TPO: variants seen among roughly 807,000 people sequenced by gnomAD.
TPO encodes thyroid peroxidase, also known as thyroid microsomal antigen.
A neutral mutation model predicts 96.9 loss-of-function variants in TPO; 78 were observed. That is an observed-to-expected ratio of 0.81 (90% CI 0.67 to 0.97). TPO has a LOEUF of 0.97. TPO is among the 50% of genes least tolerant of loss of function. TPO has a pLI of 0.00. For synonymous variants in TPO, 547 were observed against 538.0 expected (o/e 1.02, Z -0.23); for missense variants, 1,252 against 1,274.8 (o/e 0.98, Z 0.27).
intron 15 of TPO, among the ~76,000 whole-genome samples, chr2:1,528,314 A>G (rs549646006): frequency 7.9e-6 from 1 of 125,804 alleles, no homozygotes; most frequent in Non-Finnish European, 1.6e-5. Flanking sequence ...CACTGTGTGC[A>G]ACCTCCACAA....
chr2:1,502,890 G>T (rs1163202035), intron 13 of TPO, among the ~76,000 whole-genome samples: 1 of 152,220 alleles, frequency 6.6e-6, no homozygotes, highest in Non-Finnish European at 1.5e-5. Flanking sequence ...CTCCCCCGGG[G>T]TTAGGAGTGG....
At chr2:1,541,012 G>A in intron 16 of TPO, 2 of 1,378,090 alleles carry the variant, frequency 1.5e-6, no homozygotes, top group Non-Finnish European at 1.9e-6. Flanking sequence ...AGGATCGGCT[G>A]GAAGCACAGG....
At chr2:1,484,898 CTT>C in intron 9 of TPO, 44 bp downstream of exon 9, 1 of 1,609,260 alleles carries the variant, frequency 6.2e-7, no homozygotes, top group East Asian at 2.2e-5. Flanking sequence ...TGAACTCTTC[CTT>C]CTTTTTTTAA....
rs569047782 is a variant in TPO, at chr2:1,393,765, A to G, written n.180+19363A>G. ...AAAAATGCTCATGCGTGATTATTGG[A>G]GTACAAATAATGTTTTTATGTTTCC... is the stretch of plus-strand genomic sequence containing the variant. On this transcript the variant is annotated intron_variant and non_coding_transcript_variant, in intron 1 of 5. Transcript: ENST00000497517. 3.3e-5 allele frequency among the ~76,000 whole-genome samples: 5 copies of G among 152,366 alleles called. No individual in the cohort carries two copies. The South Asian group carries it at 1.0e-3, about 32-fold the overall frequency.
intron 7 of TPO, among the ~76,000 whole-genome samples, chr2:1,472,867 T>C (rs561793002): frequency 6.9e-6 from 1 of 144,818 alleles, no homozygotes; most frequent in Non-Finnish European, 1.5e-5. Flanking sequence ...GAGAGAGATA[T>C]TTCGTTGTTA....
intron 5 of TPO, among the ~76,000 whole-genome samples, chr2:1,448,737 A>G (rs929756778): frequency 2.6e-5 from 4 of 152,352 alleles, no homozygotes; most frequent in South Asian, 2.1e-4. Flanking sequence ...ATATCACGGC[A>G]TCACAGAATC....
At chr2:1,394,332 C>A (rs949277073) in intron 1 of TPO, among the ~76,000 whole-genome samples, 3 of 152,222 alleles carry the variant, frequency 2.0e-5, no homozygotes, top group Admixed American at 6.5e-5. Context: ...CAGACAGTTT[C>A]ATTTTGACGA....
intron 1 of TPO, among the ~76,000 whole-genome samples, chr2:1,393,787 T>C (rs1411711528): frequency 6.6e-6 from 1 of 152,260 alleles, no homozygotes; most frequent in Non-Finnish European, 1.5e-5. Context: ...GTTTTTATGT[T>C]TCCAATTATA....
chr2:1,390,378 T>C (rs1661982007), intron 1 of TPO, among the ~76,000 whole-genome samples: 1 of 152,206 alleles, frequency 6.6e-6, no homozygotes, highest in South Asian at 2.1e-4. Context: ...TAGTATTCCA[T>C]GGTGTATATG....
At chr2:1,529,275 T>TCCC (rs1185106203) in intron 15 of TPO, among the ~76,000 whole-genome samples, 1 of 41,816 alleles carries the variant, frequency 2.4e-5, no homozygotes, top group Admixed American at 3.3e-4. Flanking sequence ...CCTCCTCAAA[T>TCCC]CCCCCCACTG....
In TPO at chr2:1,511,277, G is replaced by A. The variant is rs1362416171; in HGVS notation, c.2519-5606G>A. On this transcript the variant is annotated intron_variant, in intron 14 of 16. Coordinates refer to ENST00000329066, the MANE Select transcript of TPO (RefSeq NM_001206744.2). ...CAGCGCAGCCCTGCAGACTGGGGGT[G>A]CCACAGCGCAGCCCTGCAGACTGGG... Among the ~76,000 whole-genome samples, 4 of 129,062 alleles carry A rather than the reference G, an allele frequency of 3.1e-5. No homozygotes were observed. The East Asian group carries it at 7.2e-4, about 23-fold the overall frequency. The allele number at this position is 129,062 out of a possible 152,430, so 84.7% of individuals were successfully genotyped here. A position where few individuals can be genotyped will look rare whatever the true frequency, so the allele number is the denominator to read the frequency against.
rs1410520809 is a variant in TPO, at chr2:1,487,876, G to A, written c.1653G>A (p.Val551=). 1 of 1,614,244 alleles carries A rather than the reference G, an allele frequency of 6.2e-7. No homozygotes were observed. The highest frequency in any genetic ancestry group is 2.2e-5 in the East Asian group (1 of 44,884). The part of the protein sequence containing the change: ...GLLARPAKLQ[V]QDQLMNEELT... ...TTGCAAGACCAGCCAAACTGCAGGT[G>A]CAGGATCAGCTGATGAACGAGGAGC... The change falls in exon 10 of 17, where the codon GTG becomes GTA. Residue 551 remains valine, a synonymous_variant. Transcript: ENST00000329066.
intron 14 of TPO, among the ~76,000 whole-genome samples, chr2:1,506,866 T>G (rs1034998255): frequency 6.6e-6 from 1 of 152,236 alleles, no homozygotes; most frequent in African/African-American, 2.4e-5. Flanking sequence ...TTTCTTTTGC[T>G]GTGCAGAAGC....
At chr2:1,453,911 C>T (rs1045551995) in intron 6 of TPO, 88 bp downstream of exon 6, 16 of 1,582,432 alleles carry the variant, frequency 1.0e-5, no homozygotes, top group African/African-American at 5.4e-5. Context: ...GGTTCTTGCT[C>T]GTGCTGGGTG....
chr2:1,534,238 C>A (rs935921551), intron 15 of TPO, among the ~76,000 whole-genome samples: 3 of 106,228 alleles, frequency 2.8e-5, no homozygotes, highest in South Asian at 4.2e-4. Context: ...CTCCTCAAAT[C>A]CCCCATCACT....
chr2:1,388,285 TTGTC>T lies in TPO; in HGVS notation n.180+13887_180+13890del, dbSNP rs531994884. 3.9e-3 allele frequency among the ~76,000 whole-genome samples: 598 copies of T among 152,322 alleles called. 7 individuals carry two copies. Among genetic ancestry groups the T allele is most frequent in the African/African-American group, 0.014 (573 of 41,572 alleles). On this transcript the variant is annotated intron_variant and non_coding_transcript_variant, in intron 1 of 5. Transcript: ENST00000497517. ...TGCAGAGGTTTCTGCTGCCTTTTGT[TTGTC>T]TGTGCCCTGCCCCCAGAGGTGGAGT...
At chr2:1,412,053 C>T (rs1177584021), upstream of TPO, among the ~76,000 whole-genome samples, 2 of 152,182 alleles carry the variant, frequency 1.3e-5, no homozygotes, top group African/African-American at 4.8e-5. Flanking sequence ...CTCAGGACTC[C>T]CAAATGTGTC....
At position 1,477,214 on chromosome 2, in the gene TPO, G is replaced by T; in HGVS notation, c.948G>T (p.Gln316His). ...TGTCCACGGCCAACCCGCGGCAGCA[G>T]ATGAACGGGTTGACCTCGTTCCTGG... ...GNLSTANPRQ[Q>H]MNGLTSFLDA... is the part of the protein sequence containing the mutation. Residue 316 changes from glutamine (Q) to histidine (H), a missense_variant, in exon 8 of 17, where the codon CAG becomes CAT. Transcript: ENST00000329066. The T allele has an allele frequency of 6.2e-7, 1 of 1,610,106 alleles. No individual in the cohort carries two copies. Among genetic ancestry groups the T allele is most frequent in the Non-Finnish European group, 8.5e-7 (1 of 1,179,034 alleles).
chr2:1,451,636 G>T (rs1667308587), intron 5 of TPO, among the ~76,000 whole-genome samples: 1 of 152,156 alleles, frequency 6.6e-6, no homozygotes, highest in African/African-American at 2.4e-5. Context: ...TGGTTGTGTT[G>T]CATGACTCTG....
Sources: gnomAD v4.1 joint callset for allele counts (sites outside exome capture counted in the v4.1 genomes callset) on GRCh38, gnomAD v4.1.1 for gene constraint, MANE v1.5 for transcripts, NCBI Gene and HGNC (gene_info 2026-07-23, HGNC 2026-07-21) for gene names.